The following NFIA variants were observed in gnomAD, a reference collection of about 807,000 sequenced individuals.
NFIA encodes the protein nuclear factor I A, also known as nuclear factor 1 A-type.
In NFIA, 8 loss-of-function variants were observed where a neutral mutation model predicts 62.8. The observed-to-expected ratio is 0.13, with a 90% CI of 0.07 to 0.23. The LOEUF (loss-of-function observed/expected upper bound fraction) is 0.23. NFIA is among the 10% of genes least tolerant of loss of function. The pLI is 1.00. For synonymous variants in NFIA, 235 were observed against 238.1 expected (o/e 0.99, Z 0.12); for missense variants, 410 against 642.1 (o/e 0.64, Z 3.91).
At chr1:61,415,378 A>G (rs1031166556) in intron 9 of NFIA, among the ~76,000 whole-genome samples, 4 of 152,202 alleles carry the variant, frequency 2.6e-5, no homozygotes, top group African/African-American at 9.6e-5. Flanking sequence ...TATGCATGGA[A>G]AAAACACCAT....
intron 7 of NFIA, among the ~76,000 whole-genome samples, chr1:61,401,873 GA>G (rs1665573253): frequency 6.6e-6 from 1 of 152,064 alleles, no homozygotes; most frequent in African/African-American, 2.4e-5. Context: ...CATGTTGGAT[GA>G]AAAAATTCCT....
chr1:61,441,488 A>G (rs935998035), intron 10 of NFIA, among the ~76,000 whole-genome samples: 4 of 152,160 alleles, frequency 2.6e-5, no homozygotes, highest in African/African-American at 9.7e-5. Context: ...GTGCTTCTAC[A>G]TGAGGCAGGT....
intron 4 of NFIA, among the ~76,000 whole-genome samples, chr1:61,350,981 T>A (rs1012902228): frequency 6.6e-6 from 1 of 152,188 alleles, no homozygotes; most frequent in African/African-American, 2.4e-5. Flanking sequence ...CCACTTAAAA[T>A]TTTCAGCTTT....
At chr1:61,146,773 A>G (rs1648038233) in intron 2 of NFIA, among the ~76,000 whole-genome samples, 1 of 152,194 alleles carries the variant, frequency 6.6e-6, no homozygotes, top group Non-Finnish European at 1.5e-5. Flanking sequence ...ACTTCTGCTG[A>G]CCACACAGAA....
intron 7 of NFIA, among the ~76,000 whole-genome samples, chr1:61,393,989 T>C (rs141643351): frequency 1.1e-3 from 170 of 152,360 alleles, no homozygotes; most frequent in Non-Finnish European, 2.1e-3. Flanking sequence ...TTACTTTTCA[T>C]GTATCTCTAT....
chr1:61,132,872 A>C (rs1647105545), intron 2 of NFIA: 1 of 151,884 alleles, frequency 6.6e-6, no homozygotes, highest in Non-Finnish European at 1.5e-5. Context: ...TTGGCAAGCA[A>C]CTCCCTACCA....
chr1:61,217,733 T>A (rs1368696747), intron 2 of NFIA, among the ~76,000 whole-genome samples: 1 of 152,224 alleles, frequency 6.6e-6, no homozygotes, highest in Non-Finnish European at 1.5e-5. Flanking sequence ...ACAGTCTTAC[T>A]GCAGAATGAG....
At chr1:61,379,145 A>G (rs924472132) in intron 6 of NFIA, among the ~76,000 whole-genome samples, 3 of 152,162 alleles carry the variant, frequency 2.0e-5, no homozygotes, top group African/African-American at 7.2e-5. Flanking sequence ...TCATATTCAC[A>G]AGTATCTCAC....
intron 2 of NFIA, among the ~76,000 whole-genome samples, chr1:61,161,586 AACACACACACACACACAC>A (rs56383204): frequency 2.7e-5 from 4 of 149,358 alleles, no homozygotes; most frequent in Non-Finnish European, 4.5e-5. Context: ...CGCCATGTGC[AACACACACACACACACAC>A]ACACACACAC....
At chr1:61,255,110 A>T (rs1252209144) in intron 2 of NFIA, among the ~76,000 whole-genome samples, 3 of 152,182 alleles carry the variant, frequency 2.0e-5, no homozygotes, top group Non-Finnish European at 4.4e-5. Context: ...TTTTCCTGGG[A>T]GGTCGCCAGA....
At chr1:61,322,047 A>G (rs1660706007) in intron 3 of NFIA, among the ~76,000 whole-genome samples, 1 of 152,242 alleles carries the variant, frequency 6.6e-6, no homozygotes, top group African/African-American at 2.4e-5. Flanking sequence ...GATAAAATTC[A>G]TTATATAAAG....
At chr1:61,404,549 G>A in intron 8 of NFIA, among the ~76,000 whole-genome samples, 1 of 152,190 alleles carries the variant, frequency 6.6e-6, no homozygotes, top group Non-Finnish European at 1.5e-5. Flanking sequence ...AACCTTCTAA[G>A]TTCTGTGGGC....
rs190186014 is a variant in NFIA at position 61,288,129 on chromosome 1, G to A, written c.625+10544G>A. ...AGTGAGTGTATAAGTTTAATTAGTC[G>A]TGTATTAATTGAGTAAGCCACTGCG... is the stretch of plus-strand genomic sequence containing the variant. On this transcript the variant is annotated intron_variant, in intron 3 of 10. Coordinates refer to ENST00000403491, the MANE Select transcript of NFIA (RefSeq NM_001134673.4). 7.8e-4 allele frequency among the ~76,000 whole-genome samples: 119 copies of A among 152,286 alleles called. 1 individual carries two copies. Among genetic ancestry groups the A allele is most frequent in the South Asian group, 3.3e-3 (16 of 4,826 alleles).
chr1:61,417,572 T>C lies in NFIA; in HGVS notation c.1421-8893T>C, dbSNP rs543483447. Among the ~76,000 whole-genome samples the C allele has an allele frequency of 9.5e-4, 144 of 152,186 alleles. 1 individual carries two copies. The highest frequency in any genetic ancestry group is 1.9e-3 in the Non-Finnish European group (129 of 68,004). On this transcript the variant is annotated intron_variant, in intron 9 of 10. Coordinates refer to ENST00000403491, the MANE Select transcript of NFIA (RefSeq NM_001134673.4). ...CAAACAGTATGAACATTCCTCTTGATACACATTACTTCATTGCTTTCAGAA... is the reference window on the plus strand; with the variant it reads ...CAAACAGTATGAACATTCCTCTTGACACACATTACTTCATTGCTTTCAGAA...
intron 2 of NFIA, among the ~76,000 whole-genome samples, chr1:61,104,394 C>A (rs1646560822): frequency 6.6e-6 from 1 of 152,044 alleles, no homozygotes; most frequent in African/African-American, 2.4e-5. Context: ...TTAAAGATGA[C>A]AATTAAGGTG....
chr1:61,381,261 G>C (rs10489910), intron 6 of NFIA, among the ~76,000 whole-genome samples: 12,675 of 152,158 alleles, frequency 0.083, 608 homozygotes, highest in Middle Eastern at 0.12. Flanking sequence ...GTTTAAATGA[G>C]TTGGGAGATT....
intron 10 of NFIA, among the ~76,000 whole-genome samples, chr1:61,445,800 G>A (rs115705378): frequency 0.014 from 2,126 of 152,272 alleles, 44 homozygotes; most frequent in East Asian, 0.049. Context: ...TCTGAAAGTC[G>A]TTTTGTATTT....
chr1:61,132,829 A>G (rs1647104662), intron 2 of NFIA: 1 of 152,186 alleles, frequency 6.6e-6, no homozygotes, highest in African/African-American at 2.4e-5. Context: ...ATTTTCTTAC[A>G]CAATAGTGGG....
chr1:61,113,243 G>T (rs1462449080), intron 2 of NFIA, among the ~76,000 whole-genome samples: 1 of 151,890 alleles, frequency 6.6e-6, no homozygotes, highest in African/African-American at 2.4e-5. Flanking sequence ...ATACAGTGTA[G>T]ACGTGCTTTA....
Sources: gnomAD v4.1 joint callset for allele counts (sites outside exome capture counted in the v4.1 genomes callset) on GRCh38, gnomAD v4.1.1 for gene constraint, MANE v1.5 for transcripts, NCBI Gene and HGNC (gene_info 2026-07-23, HGNC 2026-07-21) for gene names.